The following PTTG1IP variants were observed in gnomAD, a reference collection of about 807,000 sequenced individuals.
The protein encoded by PTTG1IP is pituitary tumor-transforming gene 1 protein-interacting protein.
Under a neutral mutation model 24.4 loss-of-function variants are expected in PTTG1IP, and 16 were observed. The ratio of observed to expected loss-of-function variants is 0.66; its 90% CI spans 0.44 to 1.00. The LOEUF is 1.00. Ranked by LOEUF, PTTG1IP falls within the 50% of genes least tolerant of loss-of-function variation. The pLI is 0.00. For synonymous variants in PTTG1IP, 89 were observed against 96.8 expected (o/e 0.92, Z 0.47); for missense variants, 241 against 245.8 (o/e 0.98, Z 0.13).
chr21:44,854,513 C>T (rs945498203), intron 5 of PTTG1IP, among the ~76,000 whole-genome samples: 1 of 152,114 alleles, frequency 6.6e-6, no homozygotes, highest in Non-Finnish European at 1.5e-5. Flanking sequence ...GCGCGGGAGA[C>T]ACTAGACTCT....
intron 2 of PTTG1IP, chr21:44,861,943 A>T: frequency 4.4e-6 from 3 of 683,286 alleles, no homozygotes; most frequent in Non-Finnish European, 8.1e-6. Flanking sequence ...TAAGTCGCAC[A>T]GCTTGAAAGA....
chr21:44,870,676 C>A (rs2083578264), intron 1 of PTTG1IP, among the ~76,000 whole-genome samples: 1 of 152,098 alleles, frequency 6.6e-6, no homozygotes, highest in African/African-American at 2.4e-5. Context: ...ATAAAAACTG[C>A]CCTTGTGTTG....
chr21:44,859,051 C>G (rs1446999818), intron 3 of PTTG1IP, among the ~76,000 whole-genome samples: 4 of 152,238 alleles, frequency 2.6e-5, no homozygotes, highest in Non-Finnish European at 5.9e-5. Context: ...GGCACCAACA[C>G]AACACCGCTC....
intron 5 of PTTG1IP, among the ~76,000 whole-genome samples, chr21:44,852,284 G>C (rs1448371612): frequency 6.6e-6 from 1 of 152,038 alleles, no homozygotes; most frequent in Non-Finnish European, 1.5e-5. Flanking sequence ...CTGGGTTCAA[G>C]GAATTCTCCT....
rs371807462 is a variant in PTTG1IP at position 44,856,348 on chromosome 21, C to T, written c.294G>A (p.Leu98=). 4.3e-6 allele frequency: 7 copies of T among 1,612,750 alleles called. No individual in the cohort carries two copies. The African/African-American group carries it at 6.7e-5, about 15-fold the overall frequency. Residue 98 remains leucine (L), a synonymous_variant, in exon 4 of 6, where the codon CTG becomes CTA. Coordinates refer to ENST00000330938, the MANE Select transcript of PTTG1IP (RefSeq NM_004339.4). ...WGVCWVNFEA[L]IITMSVVGGT... Reference sequence around the variant, plus strand: ...CCCCGACTACCGACATGGTGATGATCAGCGCCTCAAAGTTCACTGGAGATT... The same window carrying T: ...CCCCGACTACCGACATGGTGATGATTAGCGCCTCAAAGTTCACTGGAGATT...
chr21:44,871,555 G>A (rs1435068145), intron 1 of PTTG1IP, among the ~76,000 whole-genome samples: 1 of 152,170 alleles, frequency 6.6e-6, no homozygotes, highest in East Asian at 1.9e-4. Flanking sequence ...TAAAAGTGTT[G>A]GATTTGGATT....
intron 5 of PTTG1IP, among the ~76,000 whole-genome samples, chr21:44,854,185 C>A (rs751950810): frequency 6.6e-6 from 1 of 152,230 alleles, no homozygotes; most frequent in Admixed American, 6.5e-5. Context: ...ACCGCAGCGA[C>A]GTCCTCATGC....
chr21:44,851,516 C>CG lies in PTTG1IP; in HGVS notation c.*64dup. 6.2e-7 allele frequency: 1 copy of CG among 1,613,936 alleles called. No individual in the cohort carries two copies. Among genetic ancestry groups the CG allele is most frequent in the African/African-American group, 1.3e-5 (1 of 75,052 alleles). On this transcript the variant is annotated 3_prime_UTR_variant, in exon 6 of 6. Transcript: ENST00000330938. ...AGACCGCAATGGCCACGTGGTCTCCCGGCTGGGCTGGGCTGCGGAGCGTGC... is the reference window on the plus strand; with the variant it reads ...AGACCGCAATGGCCACGTGGTCTCCCGGGCTGGGCTGGGCTGCGGAGCGTGC...
chr21:44,865,479 A>C, intron 1 of PTTG1IP, 32 bp from the exon 2 acceptor site: 1 of 1,610,830 alleles, frequency 6.2e-7, no homozygotes, highest in Non-Finnish European at 8.5e-7. Flanking sequence ...CAAGTCAGTC[A>C]CTGAGAATCA....
At chr21:44,864,387 CGTTTTTGTTTTT>C (rs201291732) in intron 2 of PTTG1IP, among the ~76,000 whole-genome samples, 2 of 152,150 alleles carry the variant, frequency 1.3e-5, no homozygotes, top group African/African-American at 2.4e-5. Flanking sequence ...CCTGTTCACA[CGTTTTTGTTTTT>C]GTTTTTGTTT....
chr21:44,851,474 C>T lies in PTTG1IP; in HGVS notation c.*107G>A. The T allele has an allele frequency of 6.2e-7, 1 of 1,612,100 alleles. No homozygotes were observed. The highest frequency in any genetic ancestry group is 1.3e-5 in the African/African-American group (1 of 75,072). ...GCCTGTCCTGGAAGGCTGGCAGGTT[C>T]ACTGGCCAAGGTCAGGAGACCGCAA... On this transcript the variant is annotated 3_prime_UTR_variant, in exon 6 of 6. Transcript: ENST00000330938.
chr21:44,866,080 GCTA>G (rs2083534154), intron 1 of PTTG1IP, among the ~76,000 whole-genome samples: 1 of 152,020 alleles, frequency 6.6e-6, no homozygotes, highest in African/African-American at 2.4e-5. Context: ...TCAAAGCGCT[GCTA>G]CTAAGGAAGG....
At chr21:44,868,982 G>A (rs1199955130) in intron 1 of PTTG1IP, among the ~76,000 whole-genome samples, 1 of 152,204 alleles carries the variant, frequency 6.6e-6, no homozygotes, top group African/African-American at 2.4e-5. Flanking sequence ...ACATGATGAT[G>A]GGACAAAGTG....
intron 1 of PTTG1IP, among the ~76,000 whole-genome samples, chr21:44,867,917 G>A (rs1193067127): frequency 6.6e-6 from 1 of 152,224 alleles, no homozygotes; most frequent in East Asian, 1.9e-4. Context: ...TAACAGTGTA[G>A]TTCTACACTC....
intron 1 of PTTG1IP, chr21:44,865,680 T>C (rs2838720): frequency 0.036 from 21,424 of 599,040 alleles, 3,370 homozygotes; most frequent in African/African-American, 0.35. Context: ...AGTATAAACA[T>C]GCGGCTCCTA....
chr21:44,862,664 T>C (rs2146463542), intron 2 of PTTG1IP, among the ~76,000 whole-genome samples: 1 of 152,366 alleles, frequency 6.6e-6, no homozygotes, highest in East Asian at 1.9e-4. Flanking sequence ...CATGGCGTTT[T>C]TGGCCCAGGT....
intron 5 of PTTG1IP, 58 bp downstream of exon 5, chr21:44,855,152 C>A (rs374972770): frequency 6.5e-7 from 1 of 1,527,024 alleles, no homozygotes; most frequent in Non-Finnish European, 9.1e-7. Flanking sequence ...TAACGAGGAC[C>A]GAGACAGCGT....
Position 44,851,486 on chromosome 21 carries a change from T to C in PTTG1IP, c.*95A>G, listed in dbSNP as rs2083410661. On this transcript the variant is annotated 3_prime_UTR_variant, in exon 6 of 6. Transcript: ENST00000330938. The stretch of plus-strand genomic sequence containing the variant: ...AGGCTGGCAGGTTCACTGGCCAAGG[T>C]CAGGAGACCGCAATGGCCACGTGGT... 1 of 1,612,982 alleles carries C rather than the reference T, an allele frequency of 6.2e-7. No individual in the cohort carries two copies. Among genetic ancestry groups the C allele is most frequent in the African/African-American group, 1.3e-5 (1 of 74,936 alleles).
intron 3 of PTTG1IP, among the ~76,000 whole-genome samples, chr21:44,857,247 C>A (rs146600957): frequency 6.6e-5 from 10 of 152,156 alleles, no homozygotes; most frequent in African/African-American, 1.2e-4. Context: ...GAGGCCAAAT[C>A]GGGAGGATTG....
Sources: gnomAD v4.1 joint callset for allele counts (sites outside exome capture counted in the v4.1 genomes callset) on GRCh38, gnomAD v4.1.1 for gene constraint, MANE v1.5 for transcripts, NCBI Gene and HGNC (gene_info 2026-07-23, HGNC 2026-07-21) for gene names.